The following DBN1 variants were observed in gnomAD, a reference collection of about 807,000 sequenced individuals.
DBN1 encodes drebrin 1.
In DBN1, 21 loss-of-function variants were observed where a neutral mutation model predicts 83.5. The ratio of observed to expected loss-of-function variants is 0.25; its 90% confidence interval spans 0.18 to 0.36. The LOEUF (loss-of-function observed/expected upper bound fraction) is 0.36. Among genes scored for constraint, DBN1 ranks in the 10% least tolerant of loss-of-function variants. The pLI is 1.00. For missense variants in DBN1, 874 were observed against 935.7 expected, an observed-to-expected ratio of 0.93 and a Z score of 0.86; for synonymous variants, 381 against 384.9, an observed-to-expected ratio of 0.99 and a Z score of 0.12.
chr5:177,458,621 G>A lies in DBN1; in HGVS notation c.1351C>T (p.Pro451Ser), dbSNP rs756645293. 1.2e-6 allele frequency: 2 copies of A among 1,609,834 alleles called. No individual in the cohort carries two copies. Among genetic ancestry groups the A allele is most frequent in the South Asian group, 2.2e-5 (2 of 90,622 alleles). Residue 451 changes from proline (P) to serine (S), a missense_variant, in exon 13 of 15, where the codon CCT becomes TCT. Transcript: ENST00000393565. ...QAWAGPMEEP[P>S]QAQAPPRGPG... ...CCCCGGGGAGGCGCCTGTGCCTGAG[G>A]GGGCTCCTCCATGGGGCCGGCCCAG...
Position 177,467,030 on chromosome 5 carries a change from C to A in DBN1, c.588G>T (p.Arg196=), listed in dbSNP as rs756813988. The change falls in exon 7 of 15, where the codon CGG becomes CGT. Residue 196 remains arginine, a synonymous_variant. Coordinates refer to ENST00000393565, the MANE Select transcript of DBN1 (RefSeq NM_001363541.2). This position sits in a 1 kb window ranked among gnomAD's most constrained non-coding sequence, Gnocchi z 9.1. ...KEEELRKEEE[R]KKALDERLRF... ...TGAGCCTCTCATCCAGGGCCTTCTTCCGCTCCTCCTCCTTCCGCAGCTCTT... is the reference window on the plus strand; with the variant it reads ...TGAGCCTCTCATCCAGGGCCTTCTTACGCTCCTCCTCCTTCCGCAGCTCTT... 1 of 1,613,916 alleles carries A rather than the reference C, an allele frequency of 6.2e-7. No homozygotes were observed. Among genetic ancestry groups the A allele is most frequent in the African/African-American group, 1.3e-5 (1 of 75,054 alleles).
chr5:177,462,657 G>A (rs1581723253), intron 8 of DBN1, among the ~76,000 whole-genome samples: 1 of 152,196 alleles, frequency 6.6e-6, no homozygotes, highest in East Asian at 1.9e-4. Context: ...CTGCTGCTCA[G>A]GTGGCAGCTT....
chr5:177,465,461 G>A (rs1757379421), intron 8 of DBN1, among the ~76,000 whole-genome samples: 1 of 152,232 alleles, frequency 6.6e-6, no homozygotes. Context: ...TTAATGGATG[G>A]TGGTGGTGGT....
chr5:177,471,530 C>G, intron 1 of DBN1, among the ~76,000 whole-genome samples: 1 of 152,188 alleles, frequency 6.6e-6, no homozygotes, highest in East Asian at 1.9e-4. Flanking sequence ...TCCCTCTGGA[C>G]CTATGTGCAG....
intron 8 of DBN1, among the ~76,000 whole-genome samples, chr5:177,464,837 G>A (rs1757312605): frequency 6.6e-6 from 1 of 151,696 alleles, no homozygotes; most frequent in South Asian, 2.1e-4. Context: ...CTACTTGGGA[G>A]GCTGAGGCAG....
rs1355494896 is a variant in DBN1, at chr5:177,457,045, AAG to A, written c.*386_*387del. On this transcript the variant is annotated 3_prime_UTR_variant, in exon 15 of 15. Transcript: ENST00000393565. ...TTCCCAAGAAACATAAAACTAGGAA[AAG>A]AGGTGGGGGACATTTTCCCACCAGA... 2.2e-5 allele frequency: 5 copies of A among 232,188 alleles called. No homozygotes were observed. Among genetic ancestry groups the A allele is most frequent in the Non-Finnish European group, 4.3e-5 (5 of 117,576 alleles). 14.4% of individuals were successfully genotyped at this position (232,188 alleles called of 1,614,324 possible).
Position 177,456,717 on chromosome 5 carries a change from A to T in DBN1, c.*716T>A, listed in dbSNP as rs1756514137. 6.7e-6 allele frequency: 1 copy of T among 149,460 alleles called. No homozygotes were observed. The highest frequency in any genetic ancestry group is 2.5e-5 in the African/African-American group (1 of 40,690). 9.3% of individuals were successfully genotyped at this position (149,460 alleles called of 1,614,324 possible). A position where few individuals can be genotyped will look rare whatever the true frequency, so the allele number is the denominator to read the frequency against. On this transcript the variant is annotated 3_prime_UTR_variant, in exon 15 of 15. Transcript: ENST00000393565. ...AAAAAAAAAACAGTTACTAAACGTG[A>T]AAAAGGAACCCAAGCAAAGAGGAAG...
chr5:177,468,757 AG>A (rs1757641965), intron 2 of DBN1, 86 bp downstream of exon 2: 1 of 838,744 alleles, frequency 1.2e-6, no homozygotes, highest in South Asian at 4.2e-5. Context: ...GCAGGCAGGG[AG>A]GTGGCCTACA....
In DBN1 at chr5:177,458,360, C is replaced by T. The variant is rs1412147389; in HGVS notation, c.1612G>A (p.Glu538Lys). The change falls in exon 13 of 15, where the codon GAG (glutamate) becomes AAG (lysine). Residue 538 changes from glutamate (E) to lysine (K), a missense_variant. Glu to Lys is a moderately conservative substitution (Grantham distance 56). This residue lies in a region of DBN1 where 725 missense variants were observed against 719.7 expected (regional missense o/e 1.01). Transcript: ENST00000393565. Reference sequence around the variant, plus strand: ...GAGGGTGGCGTGGGGGCCCTGGGCTCACCCTGGAGTGTGGAGGCCCCTTCC... The same window carrying T: ...GAGGGTGGCGTGGGGGCCCTGGGCTTACCCTGGAGTGTGGAGGCCCCTTCC... ...NGEGASTLQG[E>K]PRAPTPPSGT... is the part of the protein sequence containing the mutation. 6.2e-7 allele frequency: 1 copy of T among 1,613,608 alleles called. No homozygotes were observed. The highest frequency in any genetic ancestry group is 8.5e-7 in the Non-Finnish European group (1 of 1,179,746).
chr5:177,464,923 G>A (rs1165565226), intron 8 of DBN1, among the ~76,000 whole-genome samples: 2 of 152,092 alleles, frequency 1.3e-5, no homozygotes, highest in African/African-American at 4.8e-5. Flanking sequence ...GGGTGGCTGA[G>A]GTGGGCAGAT....
rs1757599691 is a variant in DBN1 at position 177,468,142 on chromosome 5, T to C, written c.221A>G (p.Gln74Arg). 1.9e-6 allele frequency: 3 copies of C among 1,614,040 alleles called. No homozygotes were observed. Among genetic ancestry groups the C allele is most frequent in the East Asian group, 2.2e-5 (1 of 44,876 alleles). Residue 74 changes from glutamine to arginine, a missense_variant, in exon 3 of 15, where the codon CAA becomes CGA. By Grantham distance (43) the Gln-to-Arg change is conservative. Coordinates refer to ENST00000393565, the MANE Select transcript of DBN1 (RefSeq NM_001363541.2). ...GAGCACGTATTTTGGCAGAGCAGCT[T>C]GGGAGTCCTTGACACTGCAGAAGCC... ...MYGFCSVKDS[Q>R]AALPKYVLIN...
At chr5:177,471,103 G>C (rs188975509) in intron 1 of DBN1, among the ~76,000 whole-genome samples, 8 of 152,294 alleles carry the variant, frequency 5.3e-5, no homozygotes, top group Non-Finnish European at 1.0e-4. Context: ...AGCGTGAGGT[G>C]GGAGCTGGAA....
Position 177,466,589 on chromosome 5 carries a change from AGAGGCCAGAGCC to A in DBN1, c.771+171_771+182del, listed in dbSNP as rs1757456542. ...TCCAAAGTAGTCTTTTTCCACGGCC[AGAGGCCAGAGCC>A]CCACGTGATGAGGTGCCAGGCCTCA... On this transcript the variant is annotated intron_variant, in intron 8 of 14. Transcript: ENST00000393565. The surrounding 1 kb of genome is among the most constrained non-coding windows in gnomAD (Gnocchi z 4.8). Among the ~76,000 whole-genome samples the A allele has an allele frequency of 6.6e-6, 1 of 152,200 alleles. No homozygotes were observed. The highest frequency in any genetic ancestry group is 1.5e-5 in the Non-Finnish European group (1 of 68,032).
intron 8 of DBN1, among the ~76,000 whole-genome samples, chr5:177,461,948 G>A (rs1035663514): frequency 1.2e-4 from 18 of 152,312 alleles, no homozygotes; most frequent in African/African-American, 3.9e-4. Flanking sequence ...TTCATACTGA[G>A]ATGAGGGTCC....
chr5:177,464,643 A>AAATG (rs1034407699), intron 8 of DBN1, among the ~76,000 whole-genome samples: 1 of 145,780 alleles, frequency 6.9e-6, no homozygotes, highest in African/African-American at 2.6e-5. Context: ...ATAAATAAAT[A>AAATG]AATAATAAAC....
At chr5:177,462,231 C>G in intron 8 of DBN1, 1 of 985,180 alleles carries the variant, frequency 1.0e-6, no homozygotes, top group Non-Finnish European at 1.2e-6. Flanking sequence ...CTCCCACATA[C>G]TGTGAGATGT....
Position 177,468,157 on chromosome 5 carries a change from C to T in DBN1, c.206G>A (p.Ser69Asn). 6.2e-7 allele frequency: 1 copy of T among 1,614,176 alleles called. No homozygotes were observed. The highest frequency in any genetic ancestry group is 8.5e-7 in the Non-Finnish European group (1 of 1,180,038). Residue 69 changes from serine to asparagine, a missense_variant, in exon 3 of 15, where the codon AGT becomes AAT. This residue lies in a region of DBN1 where 82 missense variants were observed against 101.7 expected (regional missense o/e 0.81). Coordinates refer to ENST00000393565, the MANE Select transcript of DBN1 (RefSeq NM_001363541.2). ...CAGAGCAGCTTGGGAGTCCTTGACA[C>T]TGCAGAAGCCGTACATCACCTTCTG... ...ENQKVMYGFC[S>N]VKDSQAALPK...
chr5:177,458,674 T>C lies in DBN1; in HGVS notation c.1298A>G (p.Glu433Gly). 6.4e-7 allele frequency: 1 copy of C among 1,563,278 alleles called. No individual in the cohort carries two copies. The highest frequency in any genetic ancestry group is 8.6e-7 in the Non-Finnish European group (1 of 1,158,252). ...CTGAGGGGCTGCTGCTCTGGTCTCC[T>C]CACTGTCTAGGATGGGGCTGGGCTC... ...TQEPSPILDS[E>G]ETRAAAPQAW... The change falls in exon 13 of 15, where the codon GAG (glutamate) becomes GGG (glycine). Residue 433 changes from glutamate to glycine, a missense_variant. Transcript: ENST00000393565.
At position 177,466,801 on chromosome 5, in the gene DBN1, T is replaced by C. The variant is rs1170765751; in HGVS notation, c.742A>G (p.Lys248Glu). Reference sequence around the variant, plus strand: ...ATAGACTGCTCCTTCAACCGCCTCTTGGCCTCTTCCGCTTCTAAAGTCTGC... The same window carrying C: ...ATAGACTGCTCCTTCAACCGCCTCTCGGCCTCTTCCGCTTCTAAAGTCTGC... Reference protein sequence around the residue: ...KQQTLEAEEAKRRLKEQSIFG... With the variant: ...KQQTLEAEEAERRLKEQSIFG... The change falls in exon 8 of 15, where the codon AAG (lysine) becomes GAG (glutamate). Residue 248 changes from lysine (K) to glutamate (E), a missense_variant. By Grantham distance (56) the Lys-to-Glu change is moderately conservative. Coordinates refer to ENST00000393565, the MANE Select transcript of DBN1 (RefSeq NM_001363541.2). The surrounding 1 kb of genome is among the most constrained non-coding windows in gnomAD (Gnocchi z 4.8). 1 of 1,614,172 alleles carries C rather than the reference T, an allele frequency of 6.2e-7. No homozygotes were observed. The highest frequency in any genetic ancestry group is 1.7e-5 in the Admixed American group (1 of 60,036).
Sources: gnomAD v4.1 joint callset for allele counts (sites outside exome capture counted in the v4.1 genomes callset) on GRCh38, gnomAD v4.1.1 for gene constraint, gnomAD v4.1.1 regional missense constraint, Gnocchi (gnomAD v3.1) non-coding constraint, MANE v1.5 for transcripts, NCBI Gene and HGNC (gene_info 2026-07-23, HGNC 2026-07-21) for gene names.